SESN3: variants seen among roughly 807,000 people sequenced by gnomAD.
SESN3 encodes sestrin 3.
In SESN3, 21 loss-of-function variants were observed where a neutral mutation model predicts 55.3. That is an observed-to-expected ratio of 0.38 (90% CI 0.27 to 0.55). The LOEUF is 0.55. SESN3 is among the 20% of genes least tolerant of loss of function. SESN3 has a pLI of 0.76. For synonymous variants in SESN3, 181 were observed against 203.1 expected (o/e 0.89, Z 0.93); for missense variants, 408 against 604.3 (o/e 0.68, Z 3.41).
chr11:95,221,374 A>C (rs760224009), intron 1 of SESN3, among the ~76,000 whole-genome samples: 3 of 152,190 alleles, frequency 2.0e-5, no homozygotes, highest in Non-Finnish European at 2.9e-5. Context: ...TTAGTTACCC[A>C]TGAGGTAAAT....
At chr11:95,190,848 C>T (rs1022673364) in intron 3 of SESN3, among the ~76,000 whole-genome samples, 19 of 152,012 alleles carry the variant, frequency 1.2e-4, no homozygotes, top group African/African-American at 4.3e-4. Context: ...CATTAAAGTC[C>T]GACACACACA....
chr11:95,177,466 C>T (rs549586458), intron 8 of SESN3, among the ~76,000 whole-genome samples: 2 of 152,220 alleles, frequency 1.3e-5, no homozygotes, highest in Admixed American at 6.5e-5. Flanking sequence ...TAATTCTATC[C>T]TATCCCCAAT....
In SESN3 at chr11:95,166,570, A is replaced by G. The variant is rs1291191689; in HGVS notation, c.*6685T>C. ...TGCAAAACCAGGATTTTTTAAAAAG[A>G]GTTTTCAAGTTCAACTTCTATTTCA... On this transcript the variant is annotated 3_prime_UTR_variant, in exon 10 of 10. Transcript: ENST00000536441. 6.6e-6 allele frequency: 1 copy of G among 152,190 alleles called. No individual in the cohort carries two copies. The highest frequency in any genetic ancestry group is 1.5e-5 in the Non-Finnish European group (1 of 68,028). 9.4% of individuals were successfully genotyped at this position (152,190 alleles called of 1,614,324 possible). A position where few individuals can be genotyped will look rare whatever the true frequency, so the allele number is the denominator to read the frequency against.
chr11:95,228,947 T>C (rs1463639158), intron 1 of SESN3, among the ~76,000 whole-genome samples: 1 of 152,184 alleles, frequency 6.6e-6, no homozygotes, highest in African/African-American at 2.4e-5. Flanking sequence ...CATGGATCCA[T>C]AGCCATAGCT....
At chr11:95,188,229 C>A (rs530736623) in intron 4 of SESN3, among the ~76,000 whole-genome samples, 3 of 151,544 alleles carry the variant, frequency 2.0e-5, no homozygotes, top group Non-Finnish European at 4.4e-5. Flanking sequence ...GGGAAAGGTC[C>A]AACCCCAGAT....
In SESN3 at chr11:95,184,357, C is replaced by T. The variant is rs891937110; in HGVS notation, c.937+63G>A. ...CATTTTTACATATCCACATGGAAAA[C>T]ACTGAAGTTGCCCTGTCAGGGTTCT... On this transcript the variant is annotated intron_variant, in intron 6 of 9. Transcript: ENST00000536441. 2.9e-6 allele frequency: 4 copies of T among 1,363,874 alleles called. No individual in the cohort carries two copies. In the African/African-American group the frequency reaches 5.8e-5, roughly 20 times the overall value. The allele number at this position is 1,363,874 out of a possible 1,614,324, so 84.5% of individuals were successfully genotyped here. A position where few individuals can be genotyped will look rare whatever the true frequency, so the allele number is the denominator to read the frequency against.
At chr11:95,188,425 A>G (rs1162293444) in intron 4 of SESN3, among the ~76,000 whole-genome samples, 1 of 151,818 alleles carries the variant, frequency 6.6e-6, no homozygotes, top group African/African-American at 2.4e-5. Flanking sequence ...GTACCTCCTG[A>G]GTACCATAAC....
At chr11:95,229,679 T>TTA (rs1861014660) in intron 1 of SESN3, among the ~76,000 whole-genome samples, 2 of 151,474 alleles carry the variant, frequency 1.3e-5, no homozygotes, top group South Asian at 4.2e-4. Context: ...CTTCCTTTTT[T>TTA]AAAAAAAAAT....
At chr11:95,225,757 A>G (rs1231036368) in intron 1 of SESN3, among the ~76,000 whole-genome samples, 2 of 152,168 alleles carry the variant, frequency 1.3e-5, no homozygotes, top group Non-Finnish European at 2.9e-5. Flanking sequence ...GGCTGAAGAG[A>G]TGGGGAGAAA....
intron 4 of SESN3, among the ~76,000 whole-genome samples, chr11:95,187,862 T>A (rs1860194835): frequency 6.6e-6 from 1 of 151,832 alleles, no homozygotes; most frequent in Non-Finnish European, 1.5e-5. Flanking sequence ...GTTGTCAGCC[T>A]GTATATGCTC....
intron 1 of SESN3, among the ~76,000 whole-genome samples, chr11:95,209,484 C>T (rs947736225): frequency 6.6e-6 from 1 of 151,188 alleles, no homozygotes; most frequent in Non-Finnish European, 1.5e-5. Context: ...TGTGGAAGAC[C>T]GTGTGGCGAT....
chr11:95,211,963 C>T (rs1860663514), intron 1 of SESN3, among the ~76,000 whole-genome samples: 1 of 152,038 alleles, frequency 6.6e-6, no homozygotes, highest in Non-Finnish European at 1.5e-5. Context: ...ATGACCCATC[C>T]TATTAGAAAT....
intron 4 of SESN3, among the ~76,000 whole-genome samples, chr11:95,187,908 T>TC (rs2134231506): frequency 6.6e-6 from 1 of 151,750 alleles, no homozygotes; most frequent in South Asian, 2.1e-4. Context: ...CACTCTCTTG[T>TC]CCCACCCACT....
intron 4 of SESN3, among the ~76,000 whole-genome samples, chr11:95,188,248 T>A (rs1860203349): frequency 6.6e-6 from 1 of 151,698 alleles, no homozygotes; most frequent in African/African-American, 2.4e-5. Context: ...ATATTACGTA[T>A]ATTTATTTGT....
chr11:95,173,118 C>CAAA lies in SESN3; in HGVS notation c.*134_*136dup, dbSNP rs781304580. 0.085 allele frequency: 34,942 copies of CAAA among 412,742 alleles called. 688 individuals are homozygous for CAAA. Among genetic ancestry groups the CAAA allele is most frequent in the East Asian group, 0.12 (3,541 of 28,894 alleles). The allele number at this position is 412,742 out of a possible 1,614,324, so 25.6% of individuals were successfully genotyped here. On this transcript the variant is annotated 3_prime_UTR_variant, in exon 10 of 10. Transcript: ENST00000536441. The stretch of plus-strand genomic sequence containing the variant: ...CATTGCACATTACAGCCGCAAAAAA[C>CAAA]AAAAAAAAAAAAACAAACGGCTAAA...
intron 1 of SESN3, among the ~76,000 whole-genome samples, chr11:95,197,538 G>A (rs775238599): frequency 4.0e-5 from 6 of 150,574 alleles, no homozygotes; most frequent in Non-Finnish European, 7.4e-5. Context: ...TCTGCCTCCC[G>A]GGCTCAAGCG....
At chr11:95,198,345 CAAA>C (rs199529391) in intron 1 of SESN3, among the ~76,000 whole-genome samples, 14 of 126,250 alleles carry the variant, frequency 1.1e-4, no homozygotes, top group Non-Finnish European at 1.0e-4. Flanking sequence ...TCCTCAATGT[CAAA>C]AAAAAAAAAA....
chr11:95,175,181 T>A (rs1011001884), intron 9 of SESN3, among the ~76,000 whole-genome samples: 2 of 152,106 alleles, frequency 1.3e-5, no homozygotes, highest in African/African-American at 4.8e-5. Flanking sequence ...CTGACTAACA[T>A]GGTGAAACCC....
In SESN3 at chr11:95,189,313, C is replaced by T. The variant is rs79024511; in HGVS notation, c.525+466G>A. On this transcript the variant is annotated intron_variant, in intron 4 of 9. Transcript: ENST00000536441. ...AGGCATTTAAGCATTCACACACCAG[C>T]TGGCAAATCACTTTTTTATTTGCAA... 5.9e-5 allele frequency among the ~76,000 whole-genome samples: 9 copies of T among 152,078 alleles called. No homozygotes were observed. In the East Asian group the frequency reaches 1.5e-3, roughly 26 times the overall value.
Sources: allele counts gnomAD v4.1 joint callset (sites outside exome capture counted in the v4.1 genomes callset), GRCh38; gene constraint gnomAD v4.1.1; transcripts MANE v1.5; gene names NCBI Gene and HGNC (gene_info 2026-07-23, HGNC 2026-07-21).